The following FGD6 variants were observed in gnomAD, a reference collection of about 807,000 sequenced individuals.
FGD6 encodes FYVE, RhoGEF and PH domain-containing protein 6.
In FGD6, 90 loss-of-function variants were observed where a neutral mutation model predicts 149.4. The ratio of observed to expected loss-of-function variants is 0.60; its 90% CI spans 0.51 to 0.72. FGD6 has a LOEUF of 0.72. Among genes scored for constraint, FGD6 ranks in the 30% least tolerant of loss-of-function variants. FGD6 has a pLI of 0.00. For missense variants in FGD6, 1,437 were observed against 1,684.8 expected (o/e 0.85, Z 2.57); for synonymous variants, 527 against 584.0 (o/e 0.90, Z 1.41).
chr12:95,151,634 C>G (rs1002092444), intron 5 of FGD6, among the ~76,000 whole-genome samples: 1 of 152,098 alleles, frequency 6.6e-6, no homozygotes, highest in African/African-American at 2.4e-5. Flanking sequence ...GTGAATCATG[C>G]CTAAGTGTAA....
chr12:95,148,684 T>C (rs1230872018), intron 5 of FGD6, among the ~76,000 whole-genome samples: 2 of 103,662 alleles, frequency 1.9e-5, no homozygotes, highest in Non-Finnish European at 1.7e-5. Context: ...TATGTTATAT[T>C]ATATATATTA....
chr12:95,124,991 A>T (rs1218771033), intron 8 of FGD6, among the ~76,000 whole-genome samples: 3 of 152,186 alleles, frequency 2.0e-5, no homozygotes, highest in Non-Finnish European at 4.4e-5. Flanking sequence ...TGTCATGATT[A>T]AAAAATATTT....
intron 2 of FGD6, among the ~76,000 whole-genome samples, chr12:95,183,682 T>C (rs912490322): frequency 6.6e-6 from 1 of 151,998 alleles, no homozygotes. Flanking sequence ...CTACAAAACA[T>C]AAAAAATTAG....
chr12:95,116,336 TTAGA>T (rs953549257), intron 8 of FGD6, among the ~76,000 whole-genome samples: 5 of 152,234 alleles, frequency 3.3e-5, no homozygotes, highest in African/African-American at 1.2e-4. Context: ...CCTTAAGCTG[TTAGA>T]TAGTTACTAT....
At chr12:95,109,875 G>GAAACAA (rs1410625033) in intron 9 of FGD6, among the ~76,000 whole-genome samples, 2 of 151,932 alleles carry the variant, frequency 1.3e-5, no homozygotes, top group African/African-American at 4.8e-5. Flanking sequence ...AAAACAAAAC[G>GAAACAA]AAACAAAAAC....
chr12:95,154,375 G>A (rs1880410124), intron 3 of FGD6, among the ~76,000 whole-genome samples: 1 of 152,172 alleles, frequency 6.6e-6, no homozygotes, highest in South Asian at 2.1e-4. Context: ...AGAGGTCTCA[G>A]TATTTAGGTG....
chr12:95,082,775 T>C (rs71458574), intron 20 of FGD6, among the ~76,000 whole-genome samples: 10,690 of 149,686 alleles, frequency 0.071, 480 homozygotes, highest in East Asian at 0.15. Flanking sequence ...TACTTGAGAG[T>C]AGTCTTTTTC....
rs975750935 is a variant in FGD6 at position 95,081,355 on chromosome 12, A to G, written c.*165T>C. On this transcript the variant is annotated 3_prime_UTR_variant, in exon 21 of 21. Coordinates refer to ENST00000343958, the MANE Select transcript of FGD6 (RefSeq NM_018351.4). ...AAATAACATAAATGAAAAAACAAAC[A>G]CCTTTTAAAAATTGCTTATACCTAA... is the stretch of plus-strand genomic sequence containing the variant. 2 of 453,732 alleles carry G rather than the reference A, an allele frequency of 4.4e-6. No individual in the cohort carries two copies. The highest frequency in any genetic ancestry group is 4.0e-5 in the African/African-American group (2 of 50,374). The allele number at this position is 453,732 out of a possible 1,614,324, so 28.1% of individuals were successfully genotyped here.
At chr12:95,173,837 C>A (rs1403988662) in intron 2 of FGD6, among the ~76,000 whole-genome samples, 3 of 152,112 alleles carry the variant, frequency 2.0e-5, no homozygotes, top group African/African-American at 7.2e-5. Context: ...AGGCAGGTCA[C>A]TCAACAGCCA....
intron 3 of FGD6, among the ~76,000 whole-genome samples, chr12:95,155,401 G>C (rs1396836926): frequency 6.6e-6 from 1 of 152,106 alleles, no homozygotes; most frequent in Admixed American, 6.6e-5. Context: ...GGTGGCGCAT[G>C]CCTGTAGTCC....
rs1173446654 is a variant in FGD6, at chr12:95,082,984, T to TAAA, written c.4257-1431_4257-1429dup. Among the ~76,000 whole-genome samples, 8 of 31,128 alleles carry TAAA rather than the reference T, an allele frequency of 2.6e-4. 1 individual carries two copies. Among genetic ancestry groups the TAAA allele is most frequent in the Non-Finnish European group, 3.6e-4 (7 of 19,498 alleles). The allele number at this position is 31,128 out of a possible 152,430, so 20.4% of individuals were successfully genotyped here. A position where few individuals can be genotyped will look rare whatever the true frequency, so the allele number is the denominator to read the frequency against. On this transcript the variant is annotated intron_variant, in intron 20 of 20. Coordinates refer to ENST00000343958, the MANE Select transcript of FGD6 (RefSeq NM_018351.4). ...CAACATTGCTAGACTCTGTCTCCAT[T>TAAA]AAAAAAAAAAAAAAAAAAAAAAAAA...
In FGD6 at chr12:95,094,662, G is replaced by A. The variant is rs377183623; in HGVS notation, c.3530C>T (p.Ala1177Val). ...ATACTCTTCTATTGCCCTGGAAATC[G>A]CTTCTAGCCATTCATCCCTTTCTGT... Reference protein sequence around the residue: ...SATERDEWLEAISRAIEEYAK... With the variant: ...SATERDEWLEVISRAIEEYAK... The change falls in exon 15 of 21, where the codon GCG (alanine) becomes GTG (valine). Residue 1177 changes from alanine (A) to valine (V), a missense_variant. This residue lies in a region of FGD6 where 382 missense variants were observed against 538.7 expected (regional missense o/e 0.71). Coordinates refer to ENST00000343958, the MANE Select transcript of FGD6 (RefSeq NM_018351.4). The A allele has an allele frequency of 9.0e-5, 146 of 1,613,514 alleles. No individual in the cohort carries two copies. The highest frequency in any genetic ancestry group is 1.3e-4 in the Admixed American group (8 of 60,002).
chr12:95,153,002 A>G lies in FGD6; in HGVS notation c.2587-9T>C, dbSNP rs1006655120. On this transcript the variant is annotated splice_polypyrimidine_tract_variant and intron_variant, in intron 3 of 20. Transcript: ENST00000343958. Reference sequence around the variant, plus strand: ...ATTCCATTATCTTCATCCTGTGGATAAGAGCACATTTAACATGAACTCATA... The same window carrying G: ...ATTCCATTATCTTCATCCTGTGGATGAGAGCACATTTAACATGAACTCATA... The G allele has an allele frequency of 3.7e-6, 6 of 1,612,658 alleles. No individual in the cohort carries two copies. Among genetic ancestry groups the G allele is most frequent in the Non-Finnish European group, 5.1e-6 (6 of 1,178,868 alleles).
At chr12:95,093,358 C>T (rs781282334) in intron 15 of FGD6, among the ~76,000 whole-genome samples, 2 of 151,656 alleles carry the variant, frequency 1.3e-5, no homozygotes, top group Non-Finnish European at 2.9e-5. Flanking sequence ...CCATCCTGGT[C>T]AACATGGTGA....
chr12:95,134,931 A>C, intron 7 of FGD6, 105 bp from the exon 8 acceptor site: 2 of 810,690 alleles, frequency 2.5e-6, no homozygotes, highest in Non-Finnish European at 3.9e-6. Context: ...CAACTCTGGA[A>C]GGAGATTCGT....
intron 3 of FGD6, among the ~76,000 whole-genome samples, chr12:95,158,163 CTTTTT>C (rs11294901): frequency 3.7e-5 from 3 of 81,470 alleles, no homozygotes; most frequent in Admixed American, 1.7e-4. Context: ...CATTCACTCA[CTTTTT>C]TTTTTTTTTT....
chr12:95,170,760 T>A (rs1220849423), intron 3 of FGD6, among the ~76,000 whole-genome samples: 3 of 152,196 alleles, frequency 2.0e-5, no homozygotes, highest in Non-Finnish European at 1.5e-5. Flanking sequence ...AGAATCTATG[T>A]CCATGAAGCT....
intron 2 of FGD6, among the ~76,000 whole-genome samples, chr12:95,196,555 T>C (rs1881741968): frequency 6.6e-6 from 1 of 151,944 alleles, no homozygotes; most frequent in African/African-American, 2.4e-5. Flanking sequence ...ATGCTTTCTA[T>C]ACTATGACTA....
Position 95,209,046 on chromosome 12 carries a change from C to T in FGD6, c.2238G>A (p.Pro746=), listed in dbSNP as rs1196402081. 1.4e-5 allele frequency: 22 copies of T among 1,614,024 alleles called. No homozygotes were observed. The highest frequency in any genetic ancestry group is 6.7e-5 in the East Asian group (3 of 44,900). ...PYKSVTSLCA[P]EYENIRHYEE... Reference sequence around the variant, plus strand: ...CATAATGGCGTATATTTTCATACTCCGGTGCACAGAGGCTTGTAACAGACT... The same window carrying T: ...CATAATGGCGTATATTTTCATACTCTGGTGCACAGAGGCTTGTAACAGACT... Residue 746 remains proline (P), a synonymous_variant, in exon 2 of 21, where the codon CCG becomes CCA. Transcript: ENST00000343958.
Sources: gnomAD v4.1 joint callset for allele counts (sites outside exome capture counted in the v4.1 genomes callset) on GRCh38, gnomAD v4.1.1 for gene constraint, gnomAD v4.1.1 regional missense constraint, MANE v1.5 for transcripts, NCBI Gene and HGNC (gene_info 2026-07-23, HGNC 2026-07-21) for gene names.